CACNA1D: variants seen among roughly 807,000 people sequenced by gnomAD.
CACNA1D encodes the protein voltage-dependent L-type calcium channel subunit alpha-1D.
A neutral mutation model predicts 257.1 loss-of-function variants in CACNA1D; 55 were observed. That is an observed-to-expected ratio of 0.21 (90% CI 0.17 to 0.27). CACNA1D has a LOEUF of 0.27. CACNA1D is among the 10% of genes least tolerant of loss of function. The pLI is 1.00. For synonymous variants in CACNA1D, 980 were observed against 1,014.9 expected, an observed-to-expected ratio of 0.97 and a Z score of 0.65; for missense variants, 1,876 against 2,784.0, an observed-to-expected ratio of 0.67 and a Z score of 7.34.
intron 3 of CACNA1D, among the ~76,000 whole-genome samples, chr3:53,630,726 T>C (rs2093812975): frequency 6.6e-6 from 1 of 152,210 alleles, no homozygotes; most frequent in African/African-American, 2.4e-5. Flanking sequence ...TTCTAGAGTG[T>C]TGGAAAAGAG....
intron 3 of CACNA1D, among the ~76,000 whole-genome samples, chr3:53,583,297 G>A (rs1470897943): frequency 2.0e-5 from 3 of 151,620 alleles, no homozygotes; most frequent in African/African-American, 7.3e-5. Flanking sequence ...CATTTCCAAT[G>A]TCCGTCTTCC....
chr3:53,767,052 G>A (rs914728753), intron 30 of CACNA1D, among the ~76,000 whole-genome samples: 3 of 152,056 alleles, frequency 2.0e-5, no homozygotes, highest in Non-Finnish European at 2.9e-5. Flanking sequence ...CTCTTCATCC[G>A]TGTACTGTTC....
At chr3:53,687,892 T>G (rs1354757687) in intron 8 of CACNA1D, among the ~76,000 whole-genome samples, 1 of 152,226 alleles carries the variant, frequency 6.6e-6, no homozygotes, top group Non-Finnish European at 1.5e-5. Flanking sequence ...AAGAAACTGC[T>G]ACATAGATAG....
rs71301852 is a variant in CACNA1D at position 53,796,413 on chromosome 3, C to T, written c.4924-3836C>T. 1,577 of 456,048 alleles carry T rather than the reference C, an allele frequency of 3.5e-3. 5 individuals are homozygous for T. Among genetic ancestry groups the T allele is most frequent in the Non-Finnish European group, 5.0e-3 (1,124 of 226,718 alleles). 28.3% of individuals were successfully genotyped at this position (456,048 alleles called of 1,614,324 possible). A position where few individuals can be genotyped will look rare whatever the true frequency, so the allele number is the denominator to read the frequency against. On this transcript the variant is annotated intron_variant, in intron 40 of 47. Transcript: ENST00000350061. ...CCACTGCTACAGCGTAGGTCCAGGG[C>T]GGGGCTCTGGGCACTTGTGCATGCT...
chr3:53,791,920 CCT>C (rs1290670247), intron 40 of CACNA1D: 1 of 152,314 alleles, frequency 6.6e-6, no homozygotes, highest in Non-Finnish European at 1.5e-5. Flanking sequence ...AGACACTTAA[CCT>C]CTCTGTGCCT....
intron 3 of CACNA1D, among the ~76,000 whole-genome samples, chr3:53,538,512 T>C (rs1312764776): frequency 6.6e-6 from 1 of 152,154 alleles, no homozygotes; most frequent in African/African-American, 2.4e-5. Flanking sequence ...ACTGGTTTGT[T>C]TTTTGGTTTT....
intron 3 of CACNA1D, among the ~76,000 whole-genome samples, chr3:53,639,163 A>C (rs1319688525): frequency 6.6e-6 from 1 of 152,124 alleles, no homozygotes; most frequent in Admixed American, 6.5e-5. Flanking sequence ...TTGTTTTTTG[A>C]GACGGAGTCT....
intron 3 of CACNA1D, among the ~76,000 whole-genome samples, chr3:53,640,569 T>C (rs1023002100): frequency 1.3e-5 from 2 of 152,218 alleles, no homozygotes; most frequent in Non-Finnish European, 2.9e-5. Context: ...ATATGGTTTT[T>C]GTCCTCAAGG....
chr3:53,546,223 T>A (rs2092409393), intron 3 of CACNA1D, among the ~76,000 whole-genome samples: 1 of 152,190 alleles, frequency 6.6e-6, no homozygotes, highest in African/African-American at 2.4e-5. Flanking sequence ...ACTGCTCAAC[T>A]ATGAAAAGTC....
intron 8 of CACNA1D, among the ~76,000 whole-genome samples, chr3:53,682,616 G>GT (rs1021429450): frequency 2.6e-5 from 4 of 151,780 alleles, no homozygotes; most frequent in Admixed American, 2.6e-4. Flanking sequence ...TCTAGGTGAG[G>GT]TAGGCATATG....
At position 53,708,459 on chromosome 3, in the gene CACNA1D, T is replaced by C. The variant is rs567692531; in HGVS notation, c.1390+5649T>C. Among the ~76,000 whole-genome samples, 18 of 152,344 alleles carry C rather than the reference T, an allele frequency of 1.2e-4. No individual in the cohort carries two copies. In the South Asian group the frequency reaches 3.7e-3, roughly 32 times the overall value. On this transcript the variant is annotated intron_variant, in intron 9 of 47. Transcript: ENST00000350061. ...GGCCCTAGGGTCAGTGGCTGGACAC[T>C]GTCTCCATTGGGGTGGCACTGGGAG...
In CACNA1D at chr3:53,747,390, A is replaced by G; in HGVS notation, c.3256A>G (p.Asn1086Asp). 1.9e-6 allele frequency: 3 copies of G among 1,614,168 alleles called. No individual in the cohort carries two copies. The highest frequency in any genetic ancestry group is 2.5e-6 in the Non-Finnish European group (3 of 1,179,996). ...IWQNSDFNFD[N>D]VLSAMMALFT... ...GCAAAACAGTGATTTCAACTTCGACAACGTCCTCTCTGCTATGATGGCGCT... is the reference window on the plus strand; with the variant it reads ...GCAAAACAGTGATTTCAACTTCGACGACGTCCTCTCTGCTATGATGGCGCT... The change falls in exon 26 of 48, where the codon AAC becomes GAC. Residue 1086 changes from asparagine (N) to aspartate (D), a missense_variant. This residue lies in a region of CACNA1D where 271 missense variants were observed against 425.5 expected (regional missense o/e 0.64). Coordinates refer to ENST00000350061, the MANE Select transcript of CACNA1D (RefSeq NM_001128840.3).
At chr3:53,787,491 G>GTC (rs1157525271) in intron 40 of CACNA1D, among the ~76,000 whole-genome samples, 3 of 143,908 alleles carry the variant, frequency 2.1e-5, no homozygotes, top group Non-Finnish European at 3.0e-5. Flanking sequence ...TCTGTATGTT[G>GTC]TCTCCTGATG....
At chr3:53,525,709 A>G (rs1689302368) in intron 3 of CACNA1D, among the ~76,000 whole-genome samples, 1 of 152,130 alleles carries the variant, frequency 6.6e-6, no homozygotes, top group South Asian at 2.1e-4. Context: ...TCTGAACGTT[A>G]ACTGAGGGAG....
Position 53,665,777 on chromosome 3 carries a change from GA to G in CACNA1D, c.889del (p.Met297CysfsTer13). 1.2e-6 allele frequency: 2 copies of G among 1,612,152 alleles called. No homozygotes were observed. Among genetic ancestry groups the G allele is most frequent in the Non-Finnish European group, 1.7e-6 (2 of 1,178,566 alleles). On this transcript the variant is annotated frameshift_variant, in exon 6 of 48. Transcript: ENST00000350061. LOFTEE classifies it high-confidence loss of function. ...YAIIGLELFI[G>X]KMHKTCFFAD... is the part of the protein sequence containing the mutation. ...ATTATAGGATTGGAACTTTTTATTG[GA>G]AAAATGCACAAAACATGTTTTTTTG... is the stretch of plus-strand genomic sequence containing the variant.
At chr3:53,760,833 T>C (rs1253026277) in intron 29 of CACNA1D, among the ~76,000 whole-genome samples, 1 of 152,174 alleles carries the variant, frequency 6.6e-6, no homozygotes, top group Admixed American at 6.5e-5. Context: ...AAGGGGACAT[T>C]GCCCATGTCA....
rs536878959 is a variant in CACNA1D at position 53,665,573 on chromosome 3, G to A, written c.767-87G>A. ...TGAATTTTATTACTATGTGTTCTAA[G>A]TAAAGGAGGCATGGTTAGGAATTAT... is the stretch of plus-strand genomic sequence containing the variant. On this transcript the variant is annotated intron_variant, in intron 5 of 47. Coordinates refer to ENST00000350061, the MANE Select transcript of CACNA1D (RefSeq NM_001128840.3). The A allele has an allele frequency of 3.0e-6, 3 of 1,008,870 alleles. No homozygotes were observed. The South Asian group carries it at 3.9e-5, about 13-fold the overall frequency. The allele number at this position is 1,008,870 out of a possible 1,614,324, so 62.5% of individuals were successfully genotyped here.
intron 3 of CACNA1D, among the ~76,000 whole-genome samples, chr3:53,539,424 A>G (rs576367274): frequency 6.6e-6 from 1 of 152,206 alleles, no homozygotes; most frequent in Admixed American, 6.5e-5. Context: ...ATTCTTTTAT[A>G]TCTTGCTTCT....
Position 53,702,169 on chromosome 3 carries a change from AGC to A in CACNA1D, c.1221-471_1221-470del, listed in dbSNP as rs141775118. ...AGCTCTTGGTTTGGACAAAAGGGGT[AGC>A]ACACAATATTAATGCAAAGTTTGTC... On this transcript the variant is annotated intron_variant, in intron 8 of 47. Coordinates refer to ENST00000350061, the MANE Select transcript of CACNA1D (RefSeq NM_001128840.3). Among the ~76,000 whole-genome samples, 811 of 152,302 alleles carry A rather than the reference AGC, an allele frequency of 5.3e-3. 49 individuals carry two copies. The East Asian group carries it at 0.14, about 26-fold the overall frequency.
Sources: gnomAD v4.1 joint callset for allele counts (sites outside exome capture counted in the v4.1 genomes callset) on GRCh38, gnomAD v4.1.1 for gene constraint, gnomAD v4.1.1 regional missense constraint, MANE v1.5 for transcripts, NCBI Gene and HGNC (gene_info 2026-07-23, HGNC 2026-07-21) for gene names.